Variants in VEPH1 observed in about 807,000 individuals in gnomAD.
The protein encoded by VEPH1 is ventricular zone expressed PH domain containing 1, also known as ventricular zone-expressed PH domain-containing protein homolog 1.
VEPH1 carries 80 observed loss-of-function variants against 85.2 expected under a neutral mutation model. The ratio of observed to expected loss-of-function variants is 0.94; its 90% CI spans 0.78 to 1.13. The LOEUF (loss-of-function observed/expected upper bound fraction) is 1.13, where lower values mean the gene tolerates loss of function less well. Among genes scored for constraint, VEPH1 ranks in the 50% most tolerant of loss-of-function variants. The pLI is 0.00. For missense variants in VEPH1, 955 were observed against 980.5 expected (o/e 0.97, Z 0.35); for synonymous variants, 297 against 348.0 (o/e 0.85, Z 1.63).
chr3:157,337,773 G>A (rs912645386), intron 9 of VEPH1, among the ~76,000 whole-genome samples: 2 of 152,134 alleles, frequency 1.3e-5, no homozygotes, highest in Non-Finnish European at 2.9e-5. Context: ...ATTGCAGTGG[G>A]CTAGCCTTCT....
At chr3:157,288,890 G>A (rs1457940973) in intron 11 of VEPH1, among the ~76,000 whole-genome samples, 2 of 152,126 alleles carry the variant, frequency 1.3e-5, no homozygotes, top group African/African-American at 4.8e-5. Flanking sequence ...GCAACATTTT[G>A]GGTTGCTAAC....
chr3:157,437,451 T>C (rs1733691294), intron 4 of VEPH1: 19 of 1,553,072 alleles, frequency 1.2e-5, no homozygotes, highest in Middle Eastern at 2.2e-4. Flanking sequence ...GGTCAGCTTT[T>C]ACAAAGCACA....
chr3:157,342,232 A>T (rs1723652647), intron 9 of VEPH1, among the ~76,000 whole-genome samples: 1 of 152,234 alleles, frequency 6.6e-6, no homozygotes, highest in South Asian at 2.1e-4. Context: ...CAGACTGGCA[A>T]ATTGGATAAA....
chr3:157,344,470 A>C (rs1487988298), intron 9 of VEPH1, among the ~76,000 whole-genome samples: 4 of 152,238 alleles, frequency 2.6e-5, no homozygotes, highest in South Asian at 4.1e-4. Context: ...CCAACTTACA[A>C]GGGATGTGAA....
chr3:157,409,612 C>G (rs562338749), intron 6 of VEPH1: 1 of 985,214 alleles, frequency 1.0e-6, no homozygotes, highest in Non-Finnish European at 1.2e-6. Context: ...ATATACAACT[C>G]TTCTCTGCCG....
At chr3:157,499,274 G>T (rs1739916414) in intron 1 of VEPH1, 2 of 134,058 alleles carry the variant, frequency 1.5e-5, no homozygotes, top group African/African-American at 3.0e-5. Context: ...TTTTTTGGCA[G>T]GTATTTGCTG....
At chr3:157,292,741 T>G (rs1717638371) in intron 11 of VEPH1, among the ~76,000 whole-genome samples, 1 of 147,606 alleles carries the variant, frequency 6.8e-6, no homozygotes, top group Admixed American at 6.8e-5. Flanking sequence ...CCCAGCACTT[T>G]GGGAGGCGGA....
At chr3:157,474,516 G>C (rs1280274017) in intron 2 of VEPH1, among the ~76,000 whole-genome samples, 4 of 151,962 alleles carry the variant, frequency 2.6e-5, no homozygotes, top group African/African-American at 9.7e-5. Context: ...TAACTTTCTA[G>C]GAAATAATTT....
chr3:157,483,265 G>A (rs1738303699), intron 2 of VEPH1, among the ~76,000 whole-genome samples: 1 of 151,998 alleles, frequency 6.6e-6, no homozygotes, highest in African/African-American at 2.4e-5. Context: ...CAGTATTGCT[G>A]GGATTCCTAG....
intron 4 of VEPH1, among the ~76,000 whole-genome samples, chr3:157,448,486 C>T (rs1402425656): frequency 6.6e-6 from 1 of 152,150 alleles, no homozygotes; most frequent in South Asian, 2.1e-4. Flanking sequence ...TGGAGTTTCA[C>T]ATCAAAATTT....
intron 9 of VEPH1, among the ~76,000 whole-genome samples, chr3:157,349,844 A>G (rs1353574904): frequency 6.6e-6 from 1 of 152,170 alleles, no homozygotes; most frequent in Non-Finnish European, 1.5e-5. Flanking sequence ...TACAAGGAAA[A>G]CTACAAAACA....
At chr3:157,363,247 A>T in intron 9 of VEPH1, 117 bp downstream of exon 9, 1 of 1,032,728 alleles carries the variant, frequency 9.7e-7, no homozygotes, top group Non-Finnish European at 1.4e-6. Flanking sequence ...TTTAAAAAAA[A>T]TGATCTATTT....
chr3:157,427,867 T>G (rs563331257), intron 5 of VEPH1, among the ~76,000 whole-genome samples: 1 of 152,334 alleles, frequency 6.6e-6, no homozygotes, highest in South Asian at 2.1e-4. Context: ...AGATTAGCAT[T>G]TGAATGGGTA....
chr3:157,491,979 G>T (rs4680372), intron 2 of VEPH1, among the ~76,000 whole-genome samples: 33,915 of 152,120 alleles, frequency 0.22, 4,050 homozygotes, highest in East Asian at 0.36. Flanking sequence ...TTCCAAAGGA[G>T]GGTAAGCAGA....
chr3:157,364,425 G>T lies in VEPH1; in HGVS notation c.1215C>A (p.Leu405=). 1 of 1,613,946 alleles carries T rather than the reference G, an allele frequency of 6.2e-7. No individual in the cohort carries two copies. Among genetic ancestry groups the T allele is most frequent in the South Asian group, 1.1e-5 (1 of 91,062 alleles). The change falls in exon 8 of 14, where the codon CTC becomes CTA. Residue 405 remains leucine, a synonymous_variant. Transcript: ENST00000362010. ...CTTCAAAAGCCTGGATTTTAACTTGGAGTTTTTCATGGTCTTCATTTTCAG... is the reference window on the plus strand; with the variant it reads ...CTTCAAAAGCCTGGATTTTAACTTGTAGTTTTTCATGGTCTTCATTTTCAG... The part of the protein sequence containing the change: ...IVTENEDHEK[L]QVKIQAFEDK...
chr3:157,450,179 C>T (rs1734859936), intron 4 of VEPH1, among the ~76,000 whole-genome samples: 1 of 151,434 alleles, frequency 6.6e-6, no homozygotes, highest in South Asian at 2.1e-4. Context: ...CTTCAGCCTC[C>T]AGAGTAGCTG....
rs747171337 is a variant in VEPH1, at chr3:157,428,441, G to T, written c.577C>A (p.Pro193Thr). The change falls in exon 5 of 14, where the codon CCT becomes ACT. Residue 193 changes from proline (P) to threonine (T), a missense_variant. Physicochemically the swap from Pro to Thr is conservative, Grantham distance 38. Transcript: ENST00000362010. ...RVLPAVYEKQ[P>T]QPINRHLTEL... ...GTCAGGTGTCTATTAATTGGCTGAG[G>T]CTGCTTTTCATACACAGCAGGTAAC... 6.8e-6 allele frequency: 11 copies of T among 1,614,052 alleles called. No homozygotes were observed. Among genetic ancestry groups the T allele is most frequent in the Non-Finnish European group, 9.3e-6 (11 of 1,179,998 alleles).
intron 3 of VEPH1, among the ~76,000 whole-genome samples, chr3:157,467,444 T>C (rs1736496181): frequency 6.6e-6 from 1 of 152,208 alleles, no homozygotes; most frequent in Non-Finnish European, 1.5e-5. Context: ...TTTGGATTTC[T>C]ACACGTTCCC....
chr3:157,344,254 G>A lies in VEPH1; in HGVS notation c.1735+19110C>T, dbSNP rs540395434. Among the ~76,000 whole-genome samples, 126 of 152,270 alleles carry A rather than the reference G, an allele frequency of 8.3e-4. 1 individual carries two copies. The highest frequency in any genetic ancestry group is 3.4e-3 in the Middle Eastern group (1 of 294). On this transcript the variant is annotated intron_variant, in intron 9 of 13. Transcript: ENST00000362010. ...AGTGAAATTGTCCCTGTTTGCAGAT[G>A]ACATGATTGTATATTTAGAAAACCC...
Sources: gnomAD v4.1 joint callset for allele counts (sites outside exome capture counted in the v4.1 genomes callset) on GRCh38, gnomAD v4.1.1 for gene constraint, MANE v1.5 for transcripts, NCBI Gene and HGNC (gene_info 2026-07-23, HGNC 2026-07-21) for gene names.